DOCK7: variants seen among roughly 807,000 people sequenced by gnomAD.
DOCK7 encodes the protein dedicator of cytokinesis 7, also known as dedicator of cytokinesis protein 7.
A neutral mutation model predicts 271.0 loss-of-function variants in DOCK7; 138 were observed. That is an observed-to-expected ratio of 0.51 (90% CI 0.44 to 0.59). The LOEUF (loss-of-function observed/expected upper bound fraction) is 0.59, where lower values mean the gene tolerates loss of function less well. Ranked by LOEUF, DOCK7 falls within the 20% of genes least tolerant of loss-of-function variation. The pLI, the probability that DOCK7 is intolerant of heterozygous loss-of-function variation, is 0.00. For synonymous variants in DOCK7, 823 were observed against 876.1 expected (o/e 0.94, Z 1.07); for missense variants, 2,066 against 2,592.4 (o/e 0.80, Z 4.41).
chr1:62,579,605 G>A (rs1168341980), intron 16 of DOCK7, among the ~76,000 whole-genome samples: 2 of 145,736 alleles, frequency 1.4e-5, no homozygotes, highest in African/African-American at 5.1e-5. Context: ...GGGAGGCCGA[G>A]ATGAGAGGAT....
intron 22 of DOCK7, among the ~76,000 whole-genome samples, chr1:62,550,173 G>A (rs1384362303): frequency 6.6e-6 from 1 of 152,100 alleles, no homozygotes; most frequent in Non-Finnish European, 1.5e-5. Flanking sequence ...TCAGTATTTA[G>A]GGAGAAACTG....
intron 24 of DOCK7, 144 bp downstream of exon 24, chr1:62,543,512 G>T: frequency 1.9e-6 from 1 of 520,844 alleles, no homozygotes. Flanking sequence ...AAAGGCATCA[G>T]ACAAGCAATG....
intron 1 of DOCK7, among the ~76,000 whole-genome samples, chr1:62,676,466 T>TA (rs1448830495): frequency 6.6e-6 from 1 of 152,222 alleles, no homozygotes; most frequent in Non-Finnish European, 1.5e-5. Flanking sequence ...TCACAGCTGT[T>TA]AATTTACTAA....
intron 47 of DOCK7, 56 bp from the exon 48 acceptor site, chr1:62,474,144 A>T: frequency 7.0e-7 from 1 of 1,428,522 alleles, no homozygotes; most frequent in Non-Finnish European, 9.8e-7. Flanking sequence ...AATCACAGAG[A>T]CAGAATTTAC....
rs149904426 is a variant in DOCK7 at position 62,630,271 on chromosome 1, G to C, written c.1282+969C>G. On this transcript the variant is annotated intron_variant, in intron 11 of 49. Coordinates refer to ENST00000635253, the MANE Select transcript of DOCK7 (RefSeq NM_001367561.1). Reference sequence around the variant, plus strand: ...AGGGTTTCCAGGTAGAAGTTACTAGGGGGAGGATGCTAAGTGAAAATGCTA... The same window carrying C: ...AGGGTTTCCAGGTAGAAGTTACTAGCGGGAGGATGCTAAGTGAAAATGCTA... Among the ~76,000 whole-genome samples, 239 of 152,216 alleles carry C rather than the reference G, an allele frequency of 1.6e-3. 4 individuals carry two copies. Among genetic ancestry groups the C allele is most frequent in the African/African-American group, 5.3e-3 (222 of 41,524 alleles).
chr1:62,630,890 A>C (rs1438749838), intron 11 of DOCK7, among the ~76,000 whole-genome samples: 2 of 152,114 alleles, frequency 1.3e-5, no homozygotes, highest in Non-Finnish European at 2.9e-5. Flanking sequence ...ACAAGCTTAT[A>C]TAAGAAAAAA....
At chr1:62,681,153 A>C (rs1415082289) in intron 1 of DOCK7, among the ~76,000 whole-genome samples, 1 of 152,144 alleles carries the variant, frequency 6.6e-6, no homozygotes, top group Non-Finnish European at 1.5e-5. Flanking sequence ...CATCAATGAT[A>C]GACTGGATGA....
intron 22 of DOCK7, among the ~76,000 whole-genome samples, chr1:62,552,531 T>C (rs534182765): frequency 1.3e-5 from 2 of 152,296 alleles, no homozygotes; most frequent in South Asian, 2.1e-4. Flanking sequence ...ATTTTAGAAT[T>C]TTTAGTGGAG....
rs1644561953 is a variant in DOCK7, at chr1:62,513,480, C to T, written c.4246G>A (p.Gly1416Arg). 1 of 1,613,426 alleles carries T rather than the reference C, an allele frequency of 6.2e-7. No individual in the cohort carries two copies. The highest frequency in any genetic ancestry group is 8.5e-7 in the Non-Finnish European group (1 of 1,179,874). Reference protein sequence around the residue: ...ARQEMVRRSRGQLGTYTIASP... With the variant: ...ARQEMVRRSRRQLGTYTIASP... ...GCTATTGTGTACGTACCGAGCTGTC[C>T]TCGGCTTCGCCGTACCATTTCTTGC... The change falls in exon 33 of 50, where the codon GGA becomes AGA. Residue 1416 changes from glycine to arginine, a missense_variant. Physicochemically the swap from Gly to Arg is moderately radical, Grantham distance 125. Coordinates refer to ENST00000635253, the MANE Select transcript of DOCK7 (RefSeq NM_001367561.1).
intron 48 of DOCK7, among the ~76,000 whole-genome samples, chr1:62,471,698 G>C (rs1244730103): frequency 6.6e-6 from 1 of 152,118 alleles, no homozygotes; most frequent in African/African-American, 2.4e-5. Context: ...GTCATCTCAT[G>C]CTGGAAATTT....
In DOCK7 at chr1:62,526,599, T is replaced by C. The variant is rs149454326; in HGVS notation, c.3936+1552A>G. Among the ~76,000 whole-genome samples the C allele has an allele frequency of 2.4e-3, 370 of 152,102 alleles. 1 individual carries two copies. Among genetic ancestry groups the C allele is most frequent in the Admixed American group, 5.0e-3 (76 of 15,272 alleles). On this transcript the variant is annotated intron_variant, in intron 31 of 49. Coordinates refer to ENST00000635253, the MANE Select transcript of DOCK7 (RefSeq NM_001367561.1). ...TATCTACCTAAGAGAGATGAAAACA[T>C]ATGTGGACACAGACTTGTACATAAA...
chr1:62,510,899 C>A, intron 33 of DOCK7: 2 of 411,592 alleles, frequency 4.9e-6, no homozygotes, highest in Middle Eastern at 6.9e-4. Flanking sequence ...AAAACAATAC[C>A]CACTTAAATA....
intron 16 of DOCK7, among the ~76,000 whole-genome samples, chr1:62,579,955 T>C (rs996805550): frequency 3.3e-5 from 5 of 152,130 alleles, no homozygotes; most frequent in African/African-American, 1.2e-4. Context: ...CTTCTCAATA[T>C]TCATTGAGAA....
At chr1:62,597,053 C>T (rs529271399) in intron 14 of DOCK7, among the ~76,000 whole-genome samples, 1 of 152,038 alleles carries the variant, frequency 6.6e-6, no homozygotes, top group Non-Finnish European at 1.5e-5. Context: ...CATTGAGAGC[C>T]GTAACACCAC....
At chr1:62,479,430 A>G (rs1294800217) in intron 43 of DOCK7, among the ~76,000 whole-genome samples, 1 of 152,184 alleles carries the variant, frequency 6.6e-6, no homozygotes, top group African/African-American at 2.4e-5. Flanking sequence ...TAACACACAT[A>G]AAAATTAACT....
At chr1:62,574,419 A>G (rs1489992221) in intron 18 of DOCK7, among the ~76,000 whole-genome samples, 2 of 152,192 alleles carry the variant, frequency 1.3e-5, no homozygotes, top group South Asian at 2.1e-4. Context: ...TAAATTGTGG[A>G]TATGGCAAAA....
intron 11 of DOCK7, 101 bp downstream of exon 11, chr1:62,631,139 C>G (rs1360071404): frequency 9.5e-7 from 1 of 1,050,068 alleles, no homozygotes; most frequent in East Asian, 2.8e-5. Context: ...GAGCCAAGAT[C>G]GTGCCACTGC....
At chr1:62,487,729 G>A in intron 42 of DOCK7, 1 of 224,410 alleles carries the variant, frequency 4.5e-6, no homozygotes, top group Non-Finnish European at 8.8e-6. Context: ...CAAGTATCCA[G>A]GATAAATTAA....
chr1:62,517,364 G>C (rs887476390), intron 31 of DOCK7, among the ~76,000 whole-genome samples: 1 of 152,216 alleles, frequency 6.6e-6, no homozygotes, highest in Non-Finnish European at 1.5e-5. Context: ...AGGAGGCTGA[G>C]GCGGGTGGAT....
Sources: gnomAD v4.1 joint callset for allele counts (sites outside exome capture counted in the v4.1 genomes callset) on GRCh38, gnomAD v4.1.1 for gene constraint, MANE v1.5 for transcripts, NCBI Gene and HGNC (gene_info 2026-07-23, HGNC 2026-07-21) for gene names.